The following USH2A variants were observed in gnomAD, a reference collection of about 807,000 sequenced individuals.
USH2A encodes the protein Usher syndrome 2A (autosomal recessive, mild).
In USH2A, 443 loss-of-function variants were observed where a neutral mutation model predicts 538.9. The ratio of observed to expected loss-of-function variants is 0.82; its 90% CI spans 0.76 to 0.89. The LOEUF is 0.89. Among genes scored for constraint, USH2A ranks in the 40% least tolerant of loss-of-function variants. USH2A has a pLI of 0.00. For synonymous variants in USH2A, 2,413 were observed against 2,273.5 expected (o/e 1.06, Z -1.75); for missense variants, 6,633 against 6,324.8 (o/e 1.05, Z -1.65).
intron 9 of USH2A, among the ~76,000 whole-genome samples, chr1:216,319,139 A>G (rs558555626): frequency 1.3e-5 from 2 of 152,306 alleles, no homozygotes; most frequent in Admixed American, 1.3e-4. Flanking sequence ...TTCATCCCAA[A>G]GCATTTTTTA....
At chr1:216,012,696 A>G (rs1668605611) in intron 32 of USH2A, among the ~76,000 whole-genome samples, 1 of 152,074 alleles carries the variant, frequency 6.6e-6, no homozygotes, top group Admixed American at 6.5e-5. Context: ...TTAAAAACAC[A>G]CCTCACCAAG....
chr1:215,812,067 C>T (rs1160756796), intron 49 of USH2A, among the ~76,000 whole-genome samples: 2 of 144,666 alleles, frequency 1.4e-5, no homozygotes, highest in Non-Finnish European at 3.0e-5. Flanking sequence ...TCACCGCAAC[C>T]TCTGCCTCCC....
intron 21 of USH2A, among the ~76,000 whole-genome samples, chr1:216,118,688 T>A (rs1430645032): frequency 6.6e-6 from 1 of 152,232 alleles, no homozygotes; most frequent in African/African-American, 2.4e-5. Context: ...TTAACATGCT[T>A]CTTGTTCACT....
At chr1:215,974,493 C>G (rs990412508) in intron 35 of USH2A, among the ~76,000 whole-genome samples, 4 of 152,222 alleles carry the variant, frequency 2.6e-5, no homozygotes, top group African/African-American at 9.6e-5. Flanking sequence ...AGTCCTTACT[C>G]CCCATTCCCT....
At chr1:216,239,960 A>G (rs1053078463) in intron 13 of USH2A, among the ~76,000 whole-genome samples, 5 of 151,574 alleles carry the variant, frequency 3.3e-5, no homozygotes, top group Admixed American at 3.3e-4. Flanking sequence ...TGTCAGTAAA[A>G]CATGGTAGAT....
intron 38 of USH2A, among the ~76,000 whole-genome samples, chr1:215,902,033 T>G (rs1322872603): frequency 6.6e-6 from 1 of 152,176 alleles, no homozygotes; most frequent in Non-Finnish European, 1.5e-5. Context: ...TAACTATTAT[T>G]ACTATTATTA....
intron 21 of USH2A, among the ~76,000 whole-genome samples, chr1:216,111,220 G>A (rs1404031390): frequency 6.6e-6 from 1 of 152,158 alleles, no homozygotes. Context: ...GACTGAGTGA[G>A]ACTCCATCTC....
intron 21 of USH2A, among the ~76,000 whole-genome samples, chr1:216,100,381 TC>T (rs1485329223): frequency 6.6e-6 from 1 of 152,066 alleles, no homozygotes; most frequent in African/African-American, 2.4e-5. Flanking sequence ...AGACGTAGAG[TC>T]TGGTCTACAA....
At chr1:215,984,871 A>T (rs1221684592) in intron 35 of USH2A, among the ~76,000 whole-genome samples, 1 of 152,208 alleles carries the variant, frequency 6.6e-6, no homozygotes, top group African/African-American at 2.4e-5. Context: ...TGAATGTGGC[A>T]GATATCTCCC....
chr1:216,031,903 A>C (rs539236201), intron 32 of USH2A, among the ~76,000 whole-genome samples: 73 of 152,286 alleles, frequency 4.8e-4, no homozygotes, highest in African/African-American at 1.7e-3. Flanking sequence ...CCTGTTCCTC[A>C]GTTCTTAAAC....
At chr1:216,147,487 C>A (rs2033735267) in intron 21 of USH2A, among the ~76,000 whole-genome samples, 1 of 152,142 alleles carries the variant, frequency 6.6e-6, no homozygotes, top group Admixed American at 6.5e-5. Flanking sequence ...AAATCCAGCC[C>A]AGTTCATGAC....
At chr1:215,847,542 A>G (rs1571744350) in intron 44 of USH2A, among the ~76,000 whole-genome samples, 1 of 151,882 alleles carries the variant, frequency 6.6e-6, no homozygotes, top group African/African-American at 2.4e-5. Flanking sequence ...CTACTCAGGA[A>G]GCTGAGGCAG....
At chr1:216,257,899 G>C (rs182112372) in intron 11 of USH2A, among the ~76,000 whole-genome samples, 1 of 152,032 alleles carries the variant, frequency 6.6e-6, no homozygotes, top group Non-Finnish European at 1.5e-5. Flanking sequence ...CTGGAATTTT[G>C]ATCTGTGGGG....
rs535363596 is a variant in USH2A at position 215,710,148 on chromosome 1, T to C, written c.12066+17882A>G. Among the ~76,000 whole-genome samples, 16 of 152,334 alleles carry C rather than the reference T, an allele frequency of 1.1e-4. No homozygotes were observed. The South Asian group carries it at 2.5e-3, about 24-fold the overall frequency. ...TCAGTTATCACAGTGACTGTCATTT[T>C]AACAATTGTGCAAGTGCATCATTCA... On this transcript the variant is annotated intron_variant, in intron 61 of 71. Transcript: ENST00000307340.
intron 32 of USH2A, among the ~76,000 whole-genome samples, chr1:216,026,384 T>C (rs1298321463): frequency 6.6e-6 from 1 of 152,164 alleles, no homozygotes; most frequent in African/African-American, 2.4e-5. Context: ...AGGGGTTTTG[T>C]GCAAATTTTG....
Position 215,887,115 on chromosome 1 carries a change from C to T in USH2A, c.8223+1311G>A, listed in dbSNP as rs960575258. 2.5e-4 allele frequency among the ~76,000 whole-genome samples: 38 copies of T among 152,280 alleles called. 1 individual carries two copies. Among genetic ancestry groups the T allele is most frequent in the Admixed American group, 2.4e-3 (36 of 15,298 alleles). On this transcript the variant is annotated intron_variant, in intron 41 of 71. Coordinates refer to ENST00000307340, the MANE Select transcript of USH2A (RefSeq NM_206933.4). ...CTCATGATCTGCCTGCCTCGGCCTC[C>T]CAAAGTACTGGGATTACAGGCGTGA...
chr1:216,245,583 T>C (rs1389430049), intron 13 of USH2A, among the ~76,000 whole-genome samples: 2 of 151,668 alleles, frequency 1.3e-5, no homozygotes, highest in African/African-American at 2.4e-5. Flanking sequence ...GTCCTTCTCC[T>C]TAGGTTTTTA....
At chr1:216,058,441 G>A (rs1433904223) in intron 30 of USH2A, among the ~76,000 whole-genome samples, 2 of 148,736 alleles carry the variant, frequency 1.3e-5, no homozygotes, top group Admixed American at 1.3e-4. Context: ...CATGGAACGT[G>A]GTAGATCACT....
intron 64 of USH2A, among the ~76,000 whole-genome samples, chr1:215,654,564 T>C (rs1226395494): frequency 6.6e-6 from 1 of 152,236 alleles, no homozygotes; most frequent in Non-Finnish European, 1.5e-5. Context: ...TAGTCGTTAA[T>C]AATGAAAAGT....
Sources: gnomAD v4.1 joint callset for allele counts (sites outside exome capture counted in the v4.1 genomes callset) on GRCh38, gnomAD v4.1.1 for gene constraint, MANE v1.5 for transcripts, NCBI Gene and HGNC (gene_info 2026-07-23, HGNC 2026-07-21) for gene names.